The following ANKS1B variants were observed in gnomAD, a reference collection of about 807,000 sequenced individuals.
ANKS1B encodes the protein ankyrin repeat and sterile alpha motif domain containing 1B, also known as ankyrin repeat and sterile alpha motif domain-containing protein 1B.
Under a neutral mutation model 148.3 loss-of-function variants are expected in ANKS1B, and 36 were observed. The ratio of observed to expected loss-of-function variants is 0.24; its 90% CI spans 0.19 to 0.32. The LOEUF is 0.32. ANKS1B is among the 10% of genes least tolerant of loss of function. ANKS1B has a pLI of 1.00. For synonymous variants in ANKS1B, 542 were observed against 560.8 expected (o/e 0.97, Z 0.47); for missense variants, 1,157 against 1,542.6 (o/e 0.75, Z 4.19).
intron 15 of ANKS1B, among the ~76,000 whole-genome samples, chr12:99,086,077 T>C (rs1475050718): frequency 1.3e-5 from 2 of 152,170 alleles, no homozygotes; most frequent in Admixed American, 6.6e-5. Context: ...ATGATGAATA[T>C]GATGCAGGGC....
At chr12:99,218,374 T>C (rs2084572106) in intron 14 of ANKS1B, among the ~76,000 whole-genome samples, 1 of 152,158 alleles carries the variant, frequency 6.6e-6, no homozygotes, top group Non-Finnish European at 1.5e-5. Flanking sequence ...TGATTACGAA[T>C]TCATAGAACA....
chr12:99,209,100 A>T (rs550644207), intron 14 of ANKS1B, among the ~76,000 whole-genome samples: 1 of 152,184 alleles, frequency 6.6e-6, no homozygotes, highest in East Asian at 1.9e-4. Flanking sequence ...ACATAGAATG[A>T]CTCTGTAGGT....
At chr12:99,001,036 A>G (rs1182672492) in intron 17 of ANKS1B, among the ~76,000 whole-genome samples, 1 of 152,058 alleles carries the variant, frequency 6.6e-6, no homozygotes, top group Non-Finnish European at 1.5e-5. Flanking sequence ...GTATTCATCC[A>G]TTGATGAACA....
At chr12:99,803,089 C>A (rs1051169202) in intron 4 of ANKS1B, among the ~76,000 whole-genome samples, 1 of 151,818 alleles carries the variant, frequency 6.6e-6, no homozygotes, top group Non-Finnish European at 1.5e-5. Flanking sequence ...TACTAATTCC[C>A]AACAGGTTAG....
chr12:99,346,379 A>ATG (rs1555396076), intron 12 of ANKS1B, among the ~76,000 whole-genome samples: 11 of 145,574 alleles, frequency 7.6e-5, no homozygotes, highest in Non-Finnish European at 1.5e-4. Context: ...TCTCTCACAC[A>ATG]CGCACACACA....
At chr12:99,829,445 T>C (rs1312167538) in intron 1 of ANKS1B, among the ~76,000 whole-genome samples, 1 of 152,066 alleles carries the variant, frequency 6.6e-6, no homozygotes, top group Non-Finnish European at 1.5e-5. Context: ...GGTCAGGAGA[T>C]CGAGACCATC....
chr12:99,286,301 G>T (rs1192241534), intron 12 of ANKS1B, among the ~76,000 whole-genome samples: 1 of 151,850 alleles, frequency 6.6e-6, no homozygotes, highest in Non-Finnish European at 1.5e-5. Context: ...TATATCCTGA[G>T]CCAGAAGATA....
At chr12:99,553,967 AC>A (rs1434394555) in intron 9 of ANKS1B, among the ~76,000 whole-genome samples, 3 of 152,184 alleles carry the variant, frequency 2.0e-5, no homozygotes, top group African/African-American at 7.2e-5. Flanking sequence ...CAATTGAGAA[AC>A]ATTTTTTATG....
chr12:99,137,399 T>C (rs1210569848), intron 15 of ANKS1B, among the ~76,000 whole-genome samples: 1 of 151,980 alleles, frequency 6.6e-6, no homozygotes, highest in African/African-American at 2.4e-5. Flanking sequence ...CACTGGGAGG[T>C]TCTGCACGAG....
chr12:99,397,523 G>A (rs758288963), intron 12 of ANKS1B, among the ~76,000 whole-genome samples: 5 of 152,018 alleles, frequency 3.3e-5, no homozygotes, highest in African/African-American at 9.7e-5. Flanking sequence ...AAAAGAAAAC[G>A]GGATGATTTG....
chr12:99,888,597 C>A (rs1207470109), intron 1 of ANKS1B, among the ~76,000 whole-genome samples: 1 of 151,982 alleles, frequency 6.6e-6, no homozygotes, highest in Non-Finnish European at 1.5e-5. Flanking sequence ...AATATGTAGG[C>A]AAAGAGAAAA....
At chr12:99,813,431 A>G (rs1256406804) in intron 2 of ANKS1B, among the ~76,000 whole-genome samples, 1 of 151,296 alleles carries the variant, frequency 6.6e-6, no homozygotes, top group Non-Finnish European at 1.5e-5. Flanking sequence ...TCTTACATAC[A>G]ACAAATCACT....
intron 12 of ANKS1B, among the ~76,000 whole-genome samples, chr12:99,336,758 AAGG>A (rs2088964458): frequency 6.6e-6 from 1 of 152,038 alleles, no homozygotes; most frequent in African/African-American, 2.4e-5. Context: ...TTCATACATG[AAGG>A]AGAACTTGGA....
At chr12:98,835,312 G>A (rs1331895888) in intron 17 of ANKS1B, among the ~76,000 whole-genome samples, 1 of 152,144 alleles carries the variant, frequency 6.6e-6, no homozygotes, top group African/African-American at 2.4e-5. Flanking sequence ...TTGGGAAGAT[G>A]AAGAGTAAGT....
chr12:99,491,252 C>G (rs1014533199), intron 10 of ANKS1B, among the ~76,000 whole-genome samples: 2 of 151,806 alleles, frequency 1.3e-5, no homozygotes. Flanking sequence ...TTGCAGTGAG[C>G]TGACATAACG....
intron 17 of ANKS1B, among the ~76,000 whole-genome samples, chr12:99,049,682 A>G (rs755087790): frequency 7.9e-5 from 12 of 152,212 alleles, no homozygotes; most frequent in Non-Finnish European, 1.5e-4. Context: ...CAAAGCTATT[A>G]GGCAAGAAGC....
chr12:99,562,025 A>C (rs570426130), intron 9 of ANKS1B, among the ~76,000 whole-genome samples: 7 of 152,244 alleles, frequency 4.6e-5, no homozygotes, highest in Non-Finnish European at 1.0e-4. Context: ...GGCTTGCAGA[A>C]TAGATGCTGT....
intron 22 of ANKS1B, among the ~76,000 whole-genome samples, chr12:98,788,083 C>G (rs1239426691): frequency 1.3e-5 from 2 of 151,798 alleles, no homozygotes; most frequent in African/African-American, 4.8e-5. Context: ...AGAGGGTTAC[C>G]AAGACATTCC....
chr12:98,946,162 T>A (rs1384364903), intron 17 of ANKS1B, among the ~76,000 whole-genome samples: 1 of 152,214 alleles, frequency 6.6e-6, no homozygotes, highest in African/African-American at 2.4e-5. Flanking sequence ...TTGGGGCTTC[T>A]AGGTAAAGCG....
Sources: gnomAD v4.1 joint callset for allele counts (sites outside exome capture counted in the v4.1 genomes callset) on GRCh38, gnomAD v4.1.1 for gene constraint, MANE v1.5 for transcripts, NCBI Gene and HGNC (gene_info 2026-07-23, HGNC 2026-07-21) for gene names.